The following MAST4 variants were observed in gnomAD, a reference collection of about 807,000 sequenced individuals.
MAST4 encodes microtubule-associated serine/threonine-protein kinase 4.
In MAST4, 89 loss-of-function variants were observed where a neutral mutation model predicts 162.7. That is an observed-to-expected ratio of 0.55 (90% CI 0.46 to 0.65). The LOEUF (loss-of-function observed/expected upper bound fraction) is 0.65. Among genes scored for constraint, MAST4 ranks in the 30% least tolerant of loss-of-function variants. The pLI is 0.00. For missense variants in MAST4, 3,153 were observed against 3,374.0 expected, an observed-to-expected ratio of 0.93 and a Z score of 1.62; for synonymous variants, 1,479 against 1,361.1, an observed-to-expected ratio of 1.09 and a Z score of -1.91.
At position 67,163,126 on chromosome 5, in the gene MAST4, C is replaced by A; in HGVS notation, c.3968-21C>A. ...GGAAAATGACCATGGATGCTCACAG[C>A]CTTCTGTTTTCCATCCACAGGTACT... On this transcript the variant is annotated intron_variant, in intron 28 of 28. Transcript: ENST00000403625. This position sits in a 1 kb window ranked among gnomAD's most constrained non-coding sequence, Gnocchi z 7.0. 3 of 1,584,986 alleles carry A rather than the reference C, an allele frequency of 1.9e-6. No individual in the cohort carries two copies. The highest frequency in any genetic ancestry group is 2.6e-6 in the Non-Finnish European group (3 of 1,159,972).
intron 4 of MAST4, among the ~76,000 whole-genome samples, chr5:67,024,352 C>CAT: frequency 7.2e-6 from 1 of 138,812 alleles, no homozygotes; most frequent in Non-Finnish European, 1.5e-5. Context: ...CACACACACA[C>CAT]ATACATATAG....
chr5:66,678,230 GA>G (rs1327642549), intron 1 of MAST4, among the ~76,000 whole-genome samples: 1 of 152,014 alleles, frequency 6.6e-6, no homozygotes, highest in Admixed American at 6.6e-5. Flanking sequence ...GCAGAGAGTA[GA>G]ATGGGAGTTG....
chr5:66,737,554 T>C (rs1377452033), intron 1 of MAST4, among the ~76,000 whole-genome samples: 1 of 152,010 alleles, frequency 6.6e-6, no homozygotes, highest in Non-Finnish European at 1.5e-5. Flanking sequence ...CAGCTGAGAG[T>C]CCCTCCTTGG....
intron 4 of MAST4, among the ~76,000 whole-genome samples, chr5:66,921,538 C>G (rs1431133124): frequency 2.0e-5 from 3 of 152,200 alleles, no homozygotes; most frequent in Non-Finnish European, 4.4e-5. Context: ...AGGCAGATCA[C>G]TTGAGCTTAG....
chr5:66,685,262 CAAACA>C (rs60672976), intron 1 of MAST4, among the ~76,000 whole-genome samples: 15,129 of 143,750 alleles, frequency 0.11, 1,073 homozygotes, highest in East Asian at 0.28. Flanking sequence ...GACCTTGTCT[CAAACA>C]AAACAAAACA....
rs890989959 is a variant in MAST4, at chr5:67,165,095, A to C, written c.5916A>C (p.Glu1972Asp). The change falls in exon 29 of 29, where the codon GAA becomes GAC. Residue 1972 changes from glutamate to aspartate, a missense_variant. By Grantham distance (45) the Glu-to-Asp change is conservative. Coordinates refer to ENST00000403625, the MANE Select transcript of MAST4 (RefSeq NM_001164664.2). Reference sequence around the variant, plus strand: ...CAAGGGAGAAGCCAGGCCTGAGGGAATCGTCTGAAAGAGGCCCTCCCACAG... The same window carrying C: ...CAAGGGAGAAGCCAGGCCTGAGGGACTCGTCTGAAAGAGGCCCTCCCACAG... ...SPSREKPGLR[E>D]SSERGPPTAR... The C allele has an allele frequency of 3.1e-6, 5 of 1,592,596 alleles. No individual in the cohort carries two copies. Among genetic ancestry groups the C allele is most frequent in the Non-Finnish European group, 4.3e-6 (5 of 1,169,444 alleles).
chr5:66,900,714 C>T (rs1388504487), intron 4 of MAST4, among the ~76,000 whole-genome samples: 2 of 104,254 alleles, frequency 1.9e-5, no homozygotes, highest in Non-Finnish European at 4.2e-5. Context: ...TGGAGCACCT[C>T]CTTTAAAAAA....
intron 3 of MAST4, among the ~76,000 whole-genome samples, chr5:66,806,989 G>C (rs188244675): frequency 1.8e-4 from 27 of 152,184 alleles, no homozygotes; most frequent in African/African-American, 6.5e-4. Flanking sequence ...TTTGTCCTGG[G>C]TACCATGTCT....
chr5:67,089,714 C>T (rs1763625305), intron 5 of MAST4, among the ~76,000 whole-genome samples: 1 of 152,174 alleles, frequency 6.6e-6, no homozygotes, highest in South Asian at 2.1e-4. Context: ...GACTCTTATT[C>T]ATTCTACTGT....
chr5:66,847,840 AAAAG>A lies in MAST4; in HGVS notation c.643-52107_643-52104del, dbSNP rs1227436991. 5.3e-5 allele frequency among the ~76,000 whole-genome samples: 8 copies of A among 151,088 alleles called. 1 individual carries two copies. In the South Asian group the frequency reaches 6.4e-4, roughly 12 times the overall value. Reference sequence around the variant, plus strand: ...CTTCTCAAAAAAAAAAAAAAAAAAAAAAAGAAAAACCTTAACAGTAGCTCAAAGC... The same window carrying A: ...CTTCTCAAAAAAAAAAAAAAAAAAAAAAAAACCTTAACAGTAGCTCAAAGC... On this transcript the variant is annotated intron_variant, in intron 3 of 28. Coordinates refer to ENST00000403625, the MANE Select transcript of MAST4 (RefSeq NM_001164664.2).
rs556971797 is a variant in MAST4, at chr5:67,110,083, A to T, written c.1357-15A>T. ...ACAACTCTGCATCATCACTCTCTTT[A>T]TTGCTTTTTCATAGGCTCATGATCG... On this transcript the variant is annotated splice_polypyrimidine_tract_variant and intron_variant, in intron 10 of 28. Coordinates refer to ENST00000403625, the MANE Select transcript of MAST4 (RefSeq NM_001164664.2). 6 of 1,591,410 alleles carry T rather than the reference A, an allele frequency of 3.8e-6. No homozygotes were observed. In the South Asian group the frequency reaches 4.4e-5, roughly 12 times the overall value.
intron 4 of MAST4, among the ~76,000 whole-genome samples, chr5:67,040,353 C>T (rs1756580086): frequency 6.6e-6 from 1 of 152,096 alleles, no homozygotes; most frequent in African/African-American, 2.4e-5. Context: ...TTTGGGCAGG[C>T]ATAAGGAAGG....
At chr5:66,881,556 T>A (rs548168034) in intron 3 of MAST4, among the ~76,000 whole-genome samples, 1 of 152,354 alleles carries the variant, frequency 6.6e-6, no homozygotes, top group African/African-American at 2.4e-5. Flanking sequence ...TGGGAATTTT[T>A]ATTTTTAAAG....
intron 5 of MAST4, among the ~76,000 whole-genome samples, chr5:67,065,042 AAATT>A (rs1290001457): frequency 1.3e-5 from 2 of 152,336 alleles, no homozygotes; most frequent in African/African-American, 4.8e-5. Context: ...TAAAATGTCT[AAATT>A]AATAAATAGT....
At chr5:66,832,515 G>A (rs1344848370) in intron 3 of MAST4, among the ~76,000 whole-genome samples, 2 of 152,024 alleles carry the variant, frequency 1.3e-5, no homozygotes, top group African/African-American at 4.8e-5. Flanking sequence ...TTTTCCGCTG[G>A]CCTTGGTCTA....
At position 66,847,842 on chromosome 5, in the gene MAST4, AAG is replaced by A. The variant is rs1491519700; in HGVS notation, c.643-52107_643-52106del. 1.6e-4 allele frequency among the ~76,000 whole-genome samples: 24 copies of A among 150,920 alleles called. 2 individuals carry two copies. The East Asian group carries it at 2.0e-3, about 12-fold the overall frequency. On this transcript the variant is annotated intron_variant, in intron 3 of 28. Transcript: ENST00000403625. Reference sequence around the variant, plus strand: ...TCTCAAAAAAAAAAAAAAAAAAAAAAAGAAAAACCTTAACAGTAGCTCAAAGC... The same window carrying A: ...TCTCAAAAAAAAAAAAAAAAAAAAAAAAAAACCTTAACAGTAGCTCAAAGC...
At chr5:67,012,335 G>A (rs1018344110) in intron 4 of MAST4, among the ~76,000 whole-genome samples, 5 of 152,278 alleles carry the variant, frequency 3.3e-5, no homozygotes, top group East Asian at 3.9e-4. Context: ...TCCTTCTTCC[G>A]TTGGTTGAAA....
At position 66,759,706 on chromosome 5, in the gene MAST4, C is replaced by A; in HGVS notation, c.364-3C>A. Reference sequence around the variant, plus strand: ...AGTGATGCCATTCTTCCTCTTTCTGCAGCTTGACCACATATTATCCCCTCC... The same window carrying A: ...AGTGATGCCATTCTTCCTCTTTCTGAAGCTTGACCACATATTATCCCCTCC... On this transcript the variant is annotated splice_region_variant and splice_polypyrimidine_tract_variant and intron_variant, in intron 1 of 28. Coordinates refer to ENST00000403625, the MANE Select transcript of MAST4 (RefSeq NM_001164664.2). The A allele has an allele frequency of 6.2e-7, 1 of 1,613,546 alleles. No homozygotes were observed. Among genetic ancestry groups the A allele is most frequent in the South Asian group, 1.1e-5 (1 of 90,992 alleles).
chr5:66,689,983 G>C (rs1748933957), intron 1 of MAST4, among the ~76,000 whole-genome samples: 1 of 152,128 alleles, frequency 6.6e-6, no homozygotes, highest in African/African-American at 2.4e-5. Context: ...AGCTGCAAGT[G>C]TATCATAGGC....
Sources: gnomAD v4.1 joint callset for allele counts (sites outside exome capture counted in the v4.1 genomes callset) on GRCh38, gnomAD v4.1.1 for gene constraint, Gnocchi (gnomAD v3.1) non-coding constraint, MANE v1.5 for transcripts, NCBI Gene and HGNC (gene_info 2026-07-23, HGNC 2026-07-21) for gene names.